NR6A1: variants seen among roughly 807,000 people sequenced by gnomAD.
The protein encoded by NR6A1 is retinoic acid receptor-related testis-associated receptor.
Under a neutral mutation model 59.1 loss-of-function variants are expected in NR6A1, and 7 were observed. The observed-to-expected ratio is 0.12, with a 90% CI of 0.07 to 0.22. The LOEUF is 0.22. NR6A1 is among the 10% of genes least tolerant of loss of function. The pLI is 1.00. For synonymous variants in NR6A1, 243 were observed against 236.1 expected (o/e 1.03, Z -0.27); for missense variants, 468 against 611.6 (o/e 0.77, Z 2.48).
chr9:124,557,895 C>T (rs968422586), intron 2 of NR6A1, among the ~76,000 whole-genome samples: 1 of 152,222 alleles, frequency 6.6e-6, no homozygotes, highest in African/African-American at 2.4e-5. Context: ...AATATATCCA[C>T]AAGGACACAC....
intron 1 of NR6A1, among the ~76,000 whole-genome samples, chr9:124,762,148 G>A (rs1192623675): frequency 6.6e-6 from 1 of 152,150 alleles, no homozygotes; most frequent in African/African-American, 2.4e-5. Context: ...TTATGCCTGA[G>A]TGTTCTTCAG....
In NR6A1 at chr9:124,654,155, G is replaced by A. The variant is rs186284934; in HGVS notation, c.142+79153C>T. On this transcript the variant is annotated intron_variant, in intron 2 of 9. Coordinates refer to ENST00000487099, the MANE Select transcript of NR6A1 (RefSeq NM_033334.4). ...TATGATTCTTCTAGGACACTCAAAG[G>A]TGGCCACTGACATGTGAGAACCTTG... Among the ~76,000 whole-genome samples, 165 of 152,240 alleles carry A rather than the reference G, an allele frequency of 1.1e-3. 1 individual carries two copies. In the South Asian group the frequency reaches 0.021, roughly 19 times the overall value.
chr9:124,662,385 A>G (rs1837466389), intron 2 of NR6A1, among the ~76,000 whole-genome samples: 1 of 152,214 alleles, frequency 6.6e-6, no homozygotes, highest in Admixed American at 6.5e-5. Flanking sequence ...GCTAGATGAT[A>G]TTAGGCAAAT....
intron 2 of NR6A1, among the ~76,000 whole-genome samples, chr9:124,666,502 C>T (rs545138034): frequency 5.3e-5 from 8 of 152,246 alleles, no homozygotes; most frequent in East Asian, 3.9e-4. Context: ...TAGTCTCGAA[C>T]GCCTGGGCTC....
At chr9:124,691,315 TTTTTC>T (rs1436386483) in intron 2 of NR6A1, among the ~76,000 whole-genome samples, 1 of 152,194 alleles carries the variant, frequency 6.6e-6, no homozygotes, top group African/African-American at 2.4e-5. Context: ...TGGTTGATAT[TTTTTC>T]TTTTAACGTG....
chr9:124,667,377 G>C (rs1213515214), intron 2 of NR6A1, among the ~76,000 whole-genome samples: 1 of 152,000 alleles, frequency 6.6e-6, no homozygotes, highest in Non-Finnish European at 1.5e-5. Context: ...GAATATACAT[G>C]AATATAGTTT....
intron 2 of NR6A1, among the ~76,000 whole-genome samples, chr9:124,560,497 C>A (rs1029153005): frequency 6.6e-6 from 1 of 152,194 alleles, no homozygotes; most frequent in Non-Finnish European, 1.5e-5. Flanking sequence ...TAGCAAAACA[C>A]TGAAGTCCTT....
intron 1 of NR6A1, among the ~76,000 whole-genome samples, chr9:124,762,599 T>C (rs2131199290): frequency 6.6e-6 from 1 of 152,346 alleles, no homozygotes; most frequent in East Asian, 1.9e-4. Flanking sequence ...TAAGTGGTAC[T>C]TTCTTAAAGG....
intron 2 of NR6A1, among the ~76,000 whole-genome samples, chr9:124,574,261 T>C (rs1834528180): frequency 6.6e-6 from 1 of 152,196 alleles, no homozygotes; most frequent in South Asian, 2.1e-4. Context: ...ATATTAGAAA[T>C]TATGACACTG....
chr9:124,551,167 T>C (rs186251931), intron 3 of NR6A1, among the ~76,000 whole-genome samples: 14 of 152,262 alleles, frequency 9.2e-5, no homozygotes, highest in Admixed American at 3.3e-4. Context: ...ATTCCTTTCA[T>C]TGATATTTGG....
intron 1 of NR6A1, among the ~76,000 whole-genome samples, chr9:124,740,422 T>C (rs1170551902): frequency 2.0e-5 from 3 of 152,150 alleles, no homozygotes; most frequent in Non-Finnish European, 2.9e-5. Flanking sequence ...TAACGTTATT[T>C]CACTTAGTCA....
At chr9:124,537,160 G>A (rs1833293977) in intron 6 of NR6A1, among the ~76,000 whole-genome samples, 1 of 150,548 alleles carries the variant, frequency 6.6e-6, no homozygotes, top group South Asian at 2.1e-4. Context: ...CGCAACCTCA[G>A]CTCGCTGCAA....
intron 2 of NR6A1, among the ~76,000 whole-genome samples, chr9:124,641,253 G>A (rs1836759470): frequency 6.6e-6 from 1 of 151,912 alleles, no homozygotes; most frequent in African/African-American, 2.4e-5. Flanking sequence ...CAGCTACTTG[G>A]GAGGATGAGG....
At chr9:124,740,568 A>G (rs546661704) in intron 1 of NR6A1, among the ~76,000 whole-genome samples, 1 of 152,188 alleles carries the variant, frequency 6.6e-6, no homozygotes, top group Non-Finnish European at 1.5e-5. Flanking sequence ...ATGCTCCCAC[A>G]GGTTCCTGTG....
chr9:124,762,368 G>A (rs1840805402), intron 1 of NR6A1, among the ~76,000 whole-genome samples: 1 of 152,102 alleles, frequency 6.6e-6, no homozygotes. Flanking sequence ...AATTAGAAGA[G>A]TGGCATTGTT....
intron 2 of NR6A1, among the ~76,000 whole-genome samples, chr9:124,666,165 G>T (rs1837606455): frequency 6.6e-6 from 1 of 151,702 alleles, no homozygotes; most frequent in South Asian, 2.1e-4. Flanking sequence ...AAAGAGGTCT[G>T]GCAAATGTAT....
chr9:124,681,958 C>T (rs912628069), intron 2 of NR6A1, among the ~76,000 whole-genome samples: 1 of 151,890 alleles, frequency 6.6e-6, no homozygotes, highest in Non-Finnish European at 1.5e-5. Context: ...GATTCCATAC[C>T]GCAACTAACC....
intron 2 of NR6A1, among the ~76,000 whole-genome samples, chr9:124,563,666 C>A (rs1834145038): frequency 6.6e-6 from 1 of 152,174 alleles, no homozygotes; most frequent in South Asian, 2.1e-4. Flanking sequence ...CAGTCCCCTG[C>A]TTATAGAGTT....
At chr9:124,724,319 T>G (rs570542247) in intron 2 of NR6A1, among the ~76,000 whole-genome samples, 1 of 152,158 alleles carries the variant, frequency 6.6e-6, no homozygotes, top group Non-Finnish European at 1.5e-5. Flanking sequence ...TTTCTTTTAG[T>G]GTTTTCCATA....
Sources: gnomAD v4.1 joint callset for allele counts (sites outside exome capture counted in the v4.1 genomes callset) on GRCh38, gnomAD v4.1.1 for gene constraint, MANE v1.5 for transcripts, NCBI Gene and HGNC (gene_info 2026-07-23, HGNC 2026-07-21) for gene names.